Variants in TRDMT1 observed in about 807,000 individuals in gnomAD.
TRDMT1 encodes tRNA aspartic acid methyltransferase 1.
In TRDMT1, 49 loss-of-function variants were observed where a neutral mutation model predicts 51.2. That is an observed-to-expected ratio of 0.96 (90% CI 0.76 to 1.21). TRDMT1 has a LOEUF of 1.21. Among genes scored for constraint, TRDMT1 ranks in the 50% most tolerant of loss-of-function variants. TRDMT1 has a pLI of 0.00. For missense variants in TRDMT1, 534 were observed against 462.3 expected (o/e 1.16, Z -1.42); for synonymous variants, 187 against 164.6 (o/e 1.14, Z -1.04).
chr10:17,151,514 AAC>A (rs1210465317), intron 10 of TRDMT1: 2 of 985,096 alleles, frequency 2.0e-6, no homozygotes, highest in Admixed American at 6.1e-5. Flanking sequence ...TAATGTTGGA[AAC>A]ACACATGAGG....
chr10:17,159,530 T>C (rs1270563013), intron 6 of TRDMT1, among the ~76,000 whole-genome samples: 1 of 152,192 alleles, frequency 6.6e-6, no homozygotes, highest in African/African-American at 2.4e-5. Flanking sequence ...ACATTCATTA[T>C]TGATAATATA....
chr10:17,162,370 C>T, intron 3 of TRDMT1, 133 bp from the exon 4 acceptor site: 1 of 769,766 alleles, frequency 1.3e-6, no homozygotes. Context: ...AAAATAGGGT[C>T]ATCTTTGTTG....
At chr10:17,173,369 C>T (rs1346137927) in intron 2 of TRDMT1, among the ~76,000 whole-genome samples, 1 of 152,010 alleles carries the variant, frequency 6.6e-6, no homozygotes, top group African/African-American at 2.4e-5. Flanking sequence ...TAAAAAAGAG[C>T]AAATTATTGA....
intron 2 of TRDMT1, chr10:17,171,940 G>C (rs764503722): frequency 1.2e-5 from 2 of 166,664 alleles, no homozygotes; most frequent in Non-Finnish European, 2.9e-5. Flanking sequence ...TTCCACTGGA[G>C]TCATTCTCCT....
Position 17,148,862 on chromosome 10 carries a change from C to A in TRDMT1, c.*178G>T. ...ACAATAGTTCGTATTTTATAAAATACAGTAATATAAATTTGATGAAACACA... is the reference window on the plus strand; with the variant it reads ...ACAATAGTTCGTATTTTATAAAATAAAGTAATATAAATTTGATGAAACACA... On this transcript the variant is annotated 3_prime_UTR_variant, in exon 11 of 11. Transcript: ENST00000377799. 8.3e-7 allele frequency: 1 copy of A among 1,211,930 alleles called. No homozygotes were observed. Among genetic ancestry groups the A allele is most frequent in the Non-Finnish European group, 1.1e-6 (1 of 942,852 alleles). The allele number at this position is 1,211,930 out of a possible 1,614,324, so 75.1% of individuals were successfully genotyped here. A position where few individuals can be genotyped will look rare whatever the true frequency, so the allele number is the denominator to read the frequency against.
rs1838316177 is a variant in TRDMT1 at position 17,148,591 on chromosome 10, C to T, written c.*449G>A. 13 of 976,646 alleles carry T rather than the reference C, an allele frequency of 1.3e-5. No homozygotes were observed. In the South Asian group the frequency reaches 4.3e-4, roughly 32 times the overall value. The allele number at this position is 976,646 out of a possible 1,614,324, so 60.5% of individuals were successfully genotyped here. The stretch of plus-strand genomic sequence containing the variant: ...TTTAGATGAAATAAAGAAATATTTA[C>T]AGGATTGGAAATTAAGTAAAACATT... On this transcript the variant is annotated 3_prime_UTR_variant, in exon 11 of 11. Coordinates refer to ENST00000377799, the MANE Select transcript of TRDMT1 (RefSeq NM_004412.7).
chr10:17,171,698 C>T (rs1653458279), intron 2 of TRDMT1: 1 of 152,224 alleles, frequency 6.6e-6, no homozygotes, highest in Non-Finnish European at 1.5e-5. Context: ...CCTCTTCCCA[C>T]TCCGATTACA....
Position 17,143,334 on chromosome 10 carries a change from T to C in TRDMT1, c.*5706A>G. The C allele has an allele frequency of 1.0e-6, 1 of 985,410 alleles. No individual in the cohort carries two copies. The highest frequency in any genetic ancestry group is 1.7e-5 in the African/African-American group (1 of 57,354). 61.0% of individuals were successfully genotyped at this position (985,410 alleles called of 1,614,324 possible). On this transcript the variant is annotated 3_prime_UTR_variant, in exon 11 of 11. Transcript: ENST00000377799. ...TCTCTGCCCTTGTGGAAGTTTACAT[T>C]CTCTAAAACATGAAACATTTTCCAT...
intron 8 of TRDMT1, 109 bp downstream of exon 8, chr10:17,157,332 C>A (rs1277053307): frequency 1.3e-5 from 15 of 1,124,822 alleles, no homozygotes; most frequent in Non-Finnish European, 1.9e-5. Context: ...CTCATTCTAG[C>A]AAAAACATTT....
At chr10:17,153,419 G>A (rs993231620) in intron 10 of TRDMT1, 88 bp downstream of exon 10, 5 of 1,483,358 alleles carry the variant, frequency 3.4e-6, no homozygotes, top group Admixed American at 4.1e-5. Flanking sequence ...GAGCCCATTT[G>A]TTTAGGCAAG....
At chr10:17,186,209 T>C (rs1346782974) in intron 1 of TRDMT1, among the ~76,000 whole-genome samples, 6 of 152,156 alleles carry the variant, frequency 3.9e-5, no homozygotes, top group Non-Finnish European at 8.8e-5. Context: ...GGCACATTTC[T>C]TAAGGTGTGA....
chr10:17,169,959 G>C (rs1372347383), intron 2 of TRDMT1, among the ~76,000 whole-genome samples: 6 of 152,094 alleles, frequency 3.9e-5, no homozygotes, highest in East Asian at 1.9e-4. Context: ...AGAACACACG[G>C]GGCAGGGTAT....
rs534743853 is a variant in TRDMT1 at position 17,155,397 on chromosome 10, C to T, written c.888-663G>A. Reference sequence around the variant, plus strand: ...TCAAATATAATTCAATATTGGCTCCCTTGCCACATTAACCTAAATGTTGTA... The same window carrying T: ...TCAAATATAATTCAATATTGGCTCCTTTGCCACATTAACCTAAATGTTGTA... On this transcript the variant is annotated intron_variant, in intron 8 of 10. Coordinates refer to ENST00000377799, the MANE Select transcript of TRDMT1 (RefSeq NM_004412.7). Among the ~76,000 whole-genome samples the T allele has an allele frequency of 4.6e-5, 7 of 152,254 alleles. No individual in the cohort carries two copies. The South Asian group carries it at 1.5e-3, about 32-fold the overall frequency.
chr10:17,159,242 CAAA>C lies in TRDMT1; in HGVS notation c.460-16_460-14del. ...TTGGAATGCCAAGCTGTAAGCAAAGCAAAGCAGTTAGTTACTCTAAAAAATTAA... is the reference window on the plus strand; with the variant it reads ...TTGGAATGCCAAGCTGTAAGCAAAGCGCAGTTAGTTACTCTAAAAAATTAA... On this transcript the variant is annotated splice_polypyrimidine_tract_variant and intron_variant, in intron 6 of 10. Transcript: ENST00000377799. 6.3e-7 allele frequency: 1 copy of C among 1,581,068 alleles called. No individual in the cohort carries two copies. The highest frequency in any genetic ancestry group is 8.6e-7 in the Non-Finnish European group (1 of 1,163,962).
At chr10:17,187,176 T>G (rs1564334562) in intron 1 of TRDMT1, among the ~76,000 whole-genome samples, 1 of 152,164 alleles carries the variant, frequency 6.6e-6, no homozygotes, top group Non-Finnish European at 1.5e-5. Context: ...GAAAAATCAC[T>G]CCATAGTTAT....
Position 17,140,555 on chromosome 10 carries a change from GAA to G in TRDMT1, c.*8483_*8484del, listed in dbSNP as rs1449993559. ...GCAAGATGTAGCTTCTGCTCTGGAG[GAA>G]AAAAGTCAGCAGGGGAGGGGATTAT... is the stretch of plus-strand genomic sequence containing the variant. On this transcript the variant is annotated 3_prime_UTR_variant, in exon 11 of 11. Transcript: ENST00000377799. 1.3e-5 allele frequency among the ~76,000 whole-genome samples: 2 copies of G among 152,050 alleles called. No individual in the cohort carries two copies. Among genetic ancestry groups the G allele is most frequent in the Non-Finnish European group, 2.9e-5 (2 of 68,020 alleles).
Position 17,145,502 on chromosome 10 carries a change from G to A in TRDMT1, c.*3538C>T. ...AATCACAGGCTACAAGAAAACTGCTGAGGCTATATGACCCTCACACAGTTT... is the reference window on the plus strand; with the variant it reads ...AATCACAGGCTACAAGAAAACTGCTAAGGCTATATGACCCTCACACAGTTT... On this transcript the variant is annotated 3_prime_UTR_variant, in exon 11 of 11. Transcript: ENST00000377799. 1 of 985,404 alleles carries A rather than the reference G, an allele frequency of 1.0e-6. No homozygotes were observed. Among genetic ancestry groups the A allele is most frequent in the East Asian group, 1.1e-4 (1 of 8,810 alleles). The allele number at this position is 985,404 out of a possible 1,614,324, so 61.0% of individuals were successfully genotyped here.
chr10:17,149,192 G>A, intron 10 of TRDMT1, 52 bp from the exon 11 acceptor site: 1 of 1,416,380 alleles, frequency 7.1e-7, no homozygotes, highest in Non-Finnish European at 9.9e-7. Context: ...ACAATTTCCA[G>A]AGATGAAAGG....
chr10:17,148,157 A>C lies in TRDMT1; in HGVS notation c.*883T>G. 1 of 985,426 alleles carries C rather than the reference A, an allele frequency of 1.0e-6. No individual in the cohort carries two copies. The highest frequency in any genetic ancestry group is 1.2e-6 in the Non-Finnish European group (1 of 829,938). The allele number at this position is 985,426 out of a possible 1,614,324, so 61.0% of individuals were successfully genotyped here. On this transcript the variant is annotated 3_prime_UTR_variant, in exon 11 of 11. Transcript: ENST00000377799. ...TGAGGAAGAGAGACAGAGAAAGTTA[A>C]AAGTCATAAAAGTTCATTGAGAGTG...
Sources: allele counts gnomAD v4.1 joint callset (sites outside exome capture counted in the v4.1 genomes callset), GRCh38; gene constraint gnomAD v4.1.1; transcripts MANE v1.5; gene names NCBI Gene and HGNC (gene_info 2026-07-23, HGNC 2026-07-21).